Variants in CFAP54 observed in about 807,000 individuals in gnomAD.
CFAP54 encodes the protein cilia- and flagella-associated protein 54.
A neutral mutation model predicts 370.4 loss-of-function variants in CFAP54; 290 were observed. That is an observed-to-expected ratio of 0.78 (90% CI 0.71 to 0.86). The LOEUF (loss-of-function observed/expected upper bound fraction) is 0.86, where lower values mean the gene tolerates loss of function less well. Among genes scored for constraint, CFAP54 ranks in the 40% least tolerant of loss-of-function variants. The pLI is 0.00. For synonymous variants in CFAP54, 1,206 were observed against 1,236.5 expected (o/e 0.98, Z 0.52); for missense variants, 3,399 against 3,528.7 (o/e 0.96, Z 0.93).
At chr12:96,850,421 G>A (rs1178443981) in intron 66 of CFAP54, among the ~76,000 whole-genome samples, 2 of 151,990 alleles carry the variant, frequency 1.3e-5, no homozygotes, top group African/African-American at 2.4e-5. Flanking sequence ...AAGCAGGAGC[G>A]TTTCATGGAG....
At chr12:96,547,368 G>A (rs1344767564) in intron 14 of CFAP54, among the ~76,000 whole-genome samples, 1 of 152,048 alleles carries the variant, frequency 6.6e-6, no homozygotes, top group Non-Finnish European at 1.5e-5. Flanking sequence ...TGTATTTTTA[G>A]TAGAGGTGGG....
chr12:96,710,870 A>G (rs543525174), intron 48 of CFAP54, among the ~76,000 whole-genome samples: 6 of 152,278 alleles, frequency 3.9e-5, no homozygotes, highest in Admixed American at 3.9e-4. Flanking sequence ...CATGTTGGCC[A>G]GGCTGGTCTT....
intron 60 of CFAP54, among the ~76,000 whole-genome samples, chr12:96,774,292 G>A (rs1216155937): frequency 6.6e-6 from 1 of 152,050 alleles, no homozygotes; most frequent in Non-Finnish European, 1.5e-5. Flanking sequence ...CCATGAAGAA[G>A]TTATTTATTT....
rs550064251 is a variant in CFAP54, at chr12:96,614,299, G to A, written c.3640-7291G>A. On this transcript the variant is annotated intron_variant, in intron 26 of 67. Transcript: ENST00000524981. The stretch of plus-strand genomic sequence containing the variant: ...CTCAATAGATGCAGAAAAGGCCTTT[G>A]ACAAAATTCAACAGCCCTTCATGCT... Among the ~76,000 whole-genome samples, 688 of 152,282 alleles carry A rather than the reference G, an allele frequency of 4.5e-3. 4 individuals carry two copies. Among genetic ancestry groups the A allele is most frequent in the African/African-American group, 0.016 (656 of 41,544 alleles).
intron 40 of CFAP54, among the ~76,000 whole-genome samples, chr12:96,681,590 G>A (rs889296501): frequency 6.6e-6 from 1 of 151,448 alleles, no homozygotes; most frequent in Non-Finnish European, 1.5e-5. Context: ...TTTTTGGATG[G>A]AGTCTTGCTG....
chr12:96,773,281 G>C (rs1958481875), intron 60 of CFAP54, among the ~76,000 whole-genome samples: 1 of 152,126 alleles, frequency 6.6e-6, no homozygotes, highest in Admixed American at 6.5e-5. Flanking sequence ...GAAGAATAGA[G>C]AGCTTCTGCT....
intron 66 of CFAP54, among the ~76,000 whole-genome samples, chr12:96,841,919 C>T (rs758659536): frequency 7.2e-5 from 11 of 152,192 alleles, no homozygotes; most frequent in South Asian, 6.2e-4. Flanking sequence ...GCTATTTCTC[C>T]GATAGGATTA....
intron 27 of CFAP54, 39 bp downstream of exon 27, chr12:96,621,760 G>T: frequency 1.4e-6 from 2 of 1,428,854 alleles, no homozygotes; most frequent in East Asian, 5.5e-5. Flanking sequence ...CCTACGTTTA[G>T]TTTGCATCTT....
At chr12:96,496,174 A>C (rs888220504) in intron 1 of CFAP54, among the ~76,000 whole-genome samples, 6 of 152,186 alleles carry the variant, frequency 3.9e-5, no homozygotes, top group Non-Finnish European at 8.8e-5. Context: ...TGAAGGAGGA[A>C]TGCATTGTCT....
In CFAP54 at chr12:96,589,501, G is replaced by A. The variant is rs746520919; in HGVS notation, c.3150G>A (p.Ser1050=). ...CAGTTTGGGATTATTTTGTTGCTTC[G>A]CCACTTCAGGATGAACAATCTGTTA... The part of the protein sequence containing the change: ...FSPVWDYFVA[S]PLQDEQSVIC... The change falls in exon 23 of 68, where the codon TCG becomes TCA. Residue 1050 remains serine (S), a synonymous_variant. Coordinates refer to ENST00000524981, the MANE Select transcript of CFAP54 (RefSeq NM_001306084.2). 7 of 1,506,900 alleles carry A rather than the reference G, an allele frequency of 4.6e-6. No individual in the cohort carries two copies. The highest frequency in any genetic ancestry group is 2.4e-5 in the South Asian group (2 of 83,316). 93.3% of individuals were successfully genotyped at this position (1,506,900 alleles called of 1,614,324 possible). A position where few individuals can be genotyped will look rare whatever the true frequency, so the allele number is the denominator to read the frequency against.
Position 96,564,680 on chromosome 12 carries a change from T to A in CFAP54, c.2534T>A (p.Leu845Ter), listed in dbSNP as rs1565898144. Residue 845 changes from leucine to a stop codon, truncating the protein, a stop_gained, in exon 19 of 68, where the codon TTA (leucine) becomes TAA (stop). Transcript: ENST00000524981. LOFTEE classifies it high-confidence loss of function. The stretch of plus-strand genomic sequence containing the variant: ...ATGAATAAAATAAAGAAGAATACAT[T>A]ATCCAAAGCAATTTACTTAATGCAG... ...NIMNKIKKNT[L>*]SKAIYLMQKA... The A allele has an allele frequency of 3.1e-6, 2 of 636,206 alleles. No homozygotes were observed. The highest frequency in any genetic ancestry group is 3.7e-5 in the African/African-American group (2 of 54,176). The allele number at this position is 636,206 out of a possible 1,614,324, so 39.4% of individuals were successfully genotyped here.
rs543220724 is a variant in CFAP54, at chr12:96,674,256, G to A, written c.5564-5344G>A. On this transcript the variant is annotated intron_variant, in intron 39 of 67. Coordinates refer to ENST00000524981, the MANE Select transcript of CFAP54 (RefSeq NM_001306084.2). ...TCAGATCACTTGCTGGGATCCTTCC[G>A]TGGTGGACCCCTTTCTCAGGAGTCA... Among the ~76,000 whole-genome samples the A allele has an allele frequency of 2.5e-4, 38 of 151,988 alleles. 1 individual carries two copies. Among genetic ancestry groups the A allele is most frequent in the African/African-American group, 6.5e-4 (27 of 41,460 alleles).
Position 96,657,983 on chromosome 12 carries a change from T to C in CFAP54, c.5202T>C (p.Asp1734=). ...TTACCTTTGAGCATCCTTTGGATGA[T>C]GTAAATGTGGTTGATTTGAAATGGA... ...SSLTFEHPLD[D]VNVVDLKWIH... Residue 1734 remains aspartate, a synonymous_variant, in exon 37 of 68, where the codon GAT becomes GAC. Coordinates refer to ENST00000524981, the MANE Select transcript of CFAP54 (RefSeq NM_001306084.2). 1 of 1,613,774 alleles carries C rather than the reference T, an allele frequency of 6.2e-7. No homozygotes were observed.
intron 12 of CFAP54, among the ~76,000 whole-genome samples, chr12:96,537,362 A>G (rs1480544038): frequency 6.6e-6 from 1 of 151,952 alleles, no homozygotes; most frequent in Non-Finnish European, 1.5e-5. Flanking sequence ...ATTATTTTTG[A>G]GACAGAGTCT....
chr12:96,618,438 C>G (rs866245454), intron 26 of CFAP54, among the ~76,000 whole-genome samples: 1 of 152,106 alleles, frequency 6.6e-6, no homozygotes, highest in Non-Finnish European at 1.5e-5. Flanking sequence ...ACAGGAGATT[C>G]GCTTCTCGTC....
At chr12:96,652,664 A>G (rs371437326) in intron 36 of CFAP54, among the ~76,000 whole-genome samples, 1 of 152,228 alleles carries the variant, frequency 6.6e-6, no homozygotes. Flanking sequence ...TGTATTTACT[A>G]TTAGTGGGTT....
At chr12:96,510,835 C>T (rs569782777) in intron 4 of CFAP54, among the ~76,000 whole-genome samples, 6 of 151,858 alleles carry the variant, frequency 4.0e-5, no homozygotes, top group African/African-American at 1.2e-4. Context: ...TGGTGGCGAG[C>T]GCCTGTAATC....
At chr12:96,542,797 G>A (rs1955591312) in intron 14 of CFAP54, among the ~76,000 whole-genome samples, 1 of 152,142 alleles carries the variant, frequency 6.6e-6, no homozygotes, top group African/African-American at 2.4e-5. Flanking sequence ...TTTAAAGTTG[G>A]TTTGTTCCAA....
chr12:96,792,802 C>T (rs1376161184), intron 63 of CFAP54, among the ~76,000 whole-genome samples: 2 of 151,670 alleles, frequency 1.3e-5, no homozygotes, highest in Non-Finnish European at 2.9e-5. Flanking sequence ...AATTTTTTTA[C>T]TGCTATTTTG....
Sources: allele counts gnomAD v4.1 joint callset (sites outside exome capture counted in the v4.1 genomes callset), GRCh38; gene constraint gnomAD v4.1.1; transcripts MANE v1.5; gene names NCBI Gene and HGNC (gene_info 2026-07-23, HGNC 2026-07-21).